CD99: variants seen among roughly 807,000 people sequenced by gnomAD.
CD99 encodes the protein CD99 antigen.
In CD99, 19 loss-of-function variants were observed where a neutral mutation model predicts 28.4. The observed-to-expected ratio is 0.67, with a 90% CI of 0.47 to 0.98. The LOEUF (loss-of-function observed/expected upper bound fraction) is 0.98, where lower values mean the gene tolerates loss of function less well. Ranked by LOEUF, CD99 falls within the 50% of genes least tolerant of loss-of-function variation. The probability of loss-of-function intolerance (pLI) is 0.00; values close to 1 mark genes in which losing one functional copy is unlikely to be tolerated. For synonymous variants in CD99, 103 were observed against 92.1 expected (o/e 1.12, Z -0.67); for missense variants, 283 against 248.8 (o/e 1.14, Z -0.92).
chrX:2,691,506 T>C, intron 1 of CD99, 79 bp downstream of exon 1: 7 of 1,452,828 alleles, frequency 4.8e-6, no homozygotes, highest in Non-Finnish European at 6.5e-6. Context: ...GATGCGGCGT[T>C]GGGGGCGCCC....
chrX:2,723,261 A>AT, intron 6 of CD99, 53 bp from the exon 7 acceptor site: 1 of 1,599,572 alleles, frequency 6.3e-7, no homozygotes, highest in Non-Finnish European at 8.6e-7. Context: ...CTGGCTGTGA[A>AT]TTTTTCCTTG....
chrX:2,692,152 AATT>A, intron 1 of CD99: 1 of 550,646 alleles, frequency 1.8e-6, no homozygotes, highest in South Asian at 2.4e-5. Flanking sequence ...GCCTATTTCT[AATT>A]ATTACTTTAA....
At chrX:2,735,722 A>T (rs919589022) in intron 8 of CD99, among the ~76,000 whole-genome samples, 11 of 152,302 alleles carry the variant, frequency 7.2e-5, no homozygotes, top group African/African-American at 2.6e-4. Flanking sequence ...AGAACAAATG[A>T]CATTTGTGGT....
chrX:2,702,954 A>G (rs1344454055), intron 1 of CD99, among the ~76,000 whole-genome samples: 4 of 151,904 alleles, frequency 2.6e-5, no homozygotes. Flanking sequence ...ACGCCTGGCT[A>G]ATTTTTGTAT....
chrX:2,717,024 G>A (rs1046416831), intron 2 of CD99, among the ~76,000 whole-genome samples: 19 of 152,116 alleles, frequency 1.2e-4, no homozygotes, highest in Non-Finnish European at 2.4e-4. Flanking sequence ...CCTGGCTTAT[G>A]TCTCAGTCAT....
chrX:2,737,716 G>A (rs1200183053), intron 8 of CD99, among the ~76,000 whole-genome samples: 5 of 151,190 alleles, frequency 3.3e-5, no homozygotes, highest in Admixed American at 6.6e-5. Flanking sequence ...GGCTGGTCTC[G>A]AACTCCTGAC....
chrX:2,721,601 A>G (rs1236645698), intron 5 of CD99, among the ~76,000 whole-genome samples: 1 of 152,130 alleles, frequency 6.6e-6, no homozygotes, highest in Non-Finnish European at 1.5e-5. Flanking sequence ...CAGCCTATAT[A>G]TTAATCTAAA....
chrX:2,715,702 G>A (rs2048672740), intron 2 of CD99: 1 of 152,068 alleles, frequency 6.6e-6, no homozygotes, highest in Non-Finnish European at 1.5e-5. Context: ...GTTATATCCA[G>A]TTCTTTTTGG....
chrX:2,737,308 G>T (rs2049994273), intron 8 of CD99, among the ~76,000 whole-genome samples: 1 of 151,520 alleles, frequency 6.6e-6, no homozygotes, highest in Admixed American at 6.6e-5. Context: ...CTCCCAAGTA[G>T]CGGGGACTAC....
At position 2,720,341 on chromosome X, in the gene CD99, A is replaced by G; in HGVS notation, c.194-15A>G. ...CAAGGCACTTAAAATTGCAACTCTCATCTTTCACAAACAGACGACCCACGA... is the reference window on the plus strand; with the variant it reads ...CAAGGCACTTAAAATTGCAACTCTCGTCTTTCACAAACAGACGACCCACGA... On this transcript the variant is annotated splice_polypyrimidine_tract_variant and intron_variant, in intron 4 of 9. Transcript: ENST00000381192. 3.1e-6 allele frequency: 5 copies of G among 1,613,558 alleles called. No homozygotes were observed. The highest frequency in any genetic ancestry group is 4.2e-6 in the Non-Finnish European group (5 of 1,179,630).
At chrX:2,694,079 C>T (rs1157245211) in intron 1 of CD99, among the ~76,000 whole-genome samples, 1 of 152,142 alleles carries the variant, frequency 6.6e-6, no homozygotes, top group Non-Finnish European at 1.5e-5. Flanking sequence ...TAGGAGCCTG[C>T]CGTCCCGACA....
At chrX:2,722,142 AC>A (rs935161957) in intron 5 of CD99, among the ~76,000 whole-genome samples, 3 of 147,142 alleles carry the variant, frequency 2.0e-5, no homozygotes, top group African/African-American at 5.2e-5. Context: ...AAAAAAAAAA[AC>A]AAACCTGCAT....
intron 8 of CD99, among the ~76,000 whole-genome samples, chrX:2,729,509 G>A (rs962680922): frequency 5.1e-4 from 77 of 152,046 alleles, no homozygotes; most frequent in Non-Finnish European, 1.3e-4. Flanking sequence ...GGGAACCTTC[G>A]CTATGGTTCA....
intron 3 of CD99, 66 bp from the exon 4 acceptor site, chrX:2,719,595 C>G (rs371252636): frequency 1.5e-4 from 196 of 1,320,512 alleles, no homozygotes; most frequent in Non-Finnish European, 2.1e-4. Flanking sequence ...TTGATCTGTT[C>G]ACGAGGTCAT....
At chrX:2,713,492 C>T (rs2048541366) in intron 1 of CD99, among the ~76,000 whole-genome samples, 1 of 152,102 alleles carries the variant, frequency 6.6e-6, no homozygotes, top group Non-Finnish European at 1.5e-5. Context: ...ACACAAAACC[C>T]ACAAATACAT....
In CD99 at chrX:2,723,364, G is replaced by A; in HGVS notation, c.361G>A (p.Ala121Thr). 1.2e-6 allele frequency: 2 copies of A among 1,613,902 alleles called. No homozygotes were observed. The highest frequency in any genetic ancestry group is 1.3e-5 in the African/African-American group (1 of 74,996). ...CAGCCACAGGAAAGAAGGGGAAGAG[G>A]GTAGGTGCACCTGGCTTCTGTCTTC... Reference protein sequence around the residue: ...GGSHRKEGEEADAPGVIPGIV... With the variant: ...GGSHRKEGEETDAPGVIPGIV... Residue 121 changes from alanine (A) to threonine (T), a missense_variant and splice_region_variant, in exon 7 of 10, where the codon GCC becomes ACC. Ala to Thr is a moderately conservative substitution (Grantham distance 58). Coordinates refer to ENST00000381192, the MANE Select transcript of CD99 (RefSeq NM_002414.5).
At chrX:2,735,972 G>C (rs1308156433) in intron 8 of CD99, among the ~76,000 whole-genome samples, 1 of 152,026 alleles carries the variant, frequency 6.6e-6, no homozygotes. Context: ...GGAGGCCGAG[G>C]TGGGCAGATC....
At chrX:2,704,864 G>A (rs1378986705) in intron 1 of CD99, among the ~76,000 whole-genome samples, 3 of 152,146 alleles carry the variant, frequency 2.0e-5, no homozygotes, top group East Asian at 1.9e-4. Context: ...ATGGGAGTGC[G>A]TCACAACACC....
intron 1 of CD99, among the ~76,000 whole-genome samples, chrX:2,709,117 G>GA (rs1300985337): frequency 4.8e-5 from 7 of 146,150 alleles, no homozygotes; most frequent in African/African-American, 1.7e-4. Context: ...AGGAGGATGG[G>GA]AGGGGCAAGC....
Sources: gnomAD v4.1 joint callset for allele counts (sites outside exome capture counted in the v4.1 genomes callset) on GRCh38, gnomAD v4.1.1 for gene constraint, MANE v1.5 for transcripts, NCBI Gene and HGNC (gene_info 2026-07-23, HGNC 2026-07-21) for gene names.